PPARGC1A: variants seen among roughly 807,000 people sequenced by gnomAD.
The protein encoded by PPARGC1A is PPARG coactivator 1 alpha.
PPARGC1A carries 25 observed loss-of-function variants against 88.7 expected under a neutral mutation model. The observed-to-expected ratio is 0.28, with a 90% CI of 0.21 to 0.39. PPARGC1A has a LOEUF of 0.39. Ranked by LOEUF, PPARGC1A falls within the 10% of genes least tolerant of loss-of-function variation. PPARGC1A has a pLI of 1.00. For missense variants in PPARGC1A, 880 were observed against 968.7 expected (o/e 0.91, Z 1.22); for synonymous variants, 363 against 355.6 (o/e 1.02, Z -0.24).
At chr4:24,160,098 C>T in the PPARGC1A span, among the ~76,000 whole-genome samples, 8 of 152,184 alleles carry the variant, frequency 5.3e-5, no homozygotes, top group African/African-American at 1.7e-4. Flanking sequence ...AAACTCAAAT[C>T]CCAGCTCTCC....
the PPARGC1A span, among the ~76,000 whole-genome samples, chr4:24,368,083 A>G: frequency 1.3e-5 from 2 of 152,212 alleles, no homozygotes; most frequent in Admixed American, 1.3e-4. Context: ...ACAACTTGCC[A>G]AAATGACTGA....
At chr4:24,237,549 A>C in the PPARGC1A span, among the ~76,000 whole-genome samples, 1 of 152,164 alleles carries the variant, frequency 6.6e-6, no homozygotes, top group African/African-American at 2.4e-5. Context: ...TTACACACCA[A>C]ATGGAGTTCG....
the PPARGC1A span, among the ~76,000 whole-genome samples, chr4:24,026,989 A>G: frequency 6.6e-6 from 1 of 152,102 alleles, no homozygotes; most frequent in African/African-American, 2.4e-5. Flanking sequence ...CATAATGGCT[A>G]TTTTCTAACG....
the PPARGC1A span, among the ~76,000 whole-genome samples, chr4:24,196,093 G>T: frequency 6.6e-6 from 1 of 152,304 alleles, no homozygotes; most frequent in South Asian, 2.1e-4. Flanking sequence ...GGATTTACTT[G>T]CCATGAGTTG....
chr4:23,895,312 A>AT (rs887836506), intron 1 of PPARGC1A, among the ~76,000 whole-genome samples: 3 of 150,738 alleles, frequency 2.0e-5, no homozygotes, highest in East Asian at 1.9e-4. Flanking sequence ...AAATATATAT[A>AT]TTTTTTTCTT....
chr4:24,441,444 G>T, the PPARGC1A span, among the ~76,000 whole-genome samples: 2 of 152,204 alleles, frequency 1.3e-5, no homozygotes, highest in African/African-American at 2.4e-5. Context: ...CTAAGCTACT[G>T]CAGTCTGACT....
chr4:24,125,531 C>G, the PPARGC1A span, among the ~76,000 whole-genome samples: 1 of 152,150 alleles, frequency 6.6e-6, no homozygotes, highest in South Asian at 2.1e-4. Flanking sequence ...CAGTCTACTC[C>G]CATTGATGCT....
At chr4:23,916,576 A>T in the PPARGC1A span, among the ~76,000 whole-genome samples, 1 of 152,112 alleles carries the variant, frequency 6.6e-6, no homozygotes, top group South Asian at 2.1e-4. Flanking sequence ...TTTAAAAAAA[A>T]CATATCATGG....
At chr4:24,169,664 G>A in the PPARGC1A span, among the ~76,000 whole-genome samples, 1 of 152,118 alleles carries the variant, frequency 6.6e-6, no homozygotes, top group Non-Finnish European at 1.5e-5. Flanking sequence ...GAGATTAGGA[G>A]TTCGAGACCA....
chr4:24,221,849 G>T, the PPARGC1A span, among the ~76,000 whole-genome samples: 1 of 152,080 alleles, frequency 6.6e-6, no homozygotes, highest in East Asian at 1.9e-4. Context: ...AAAATGATTT[G>T]GTTTGTTCCA....
chr4:23,838,244 A>C (rs1301179751), intron 2 of PPARGC1A, among the ~76,000 whole-genome samples: 1 of 152,138 alleles, frequency 6.6e-6, no homozygotes, highest in Admixed American at 6.5e-5. Flanking sequence ...TCTGCAATCC[A>C]CTGTGGGTTT....
the PPARGC1A span, among the ~76,000 whole-genome samples, chr4:24,311,388 A>T: frequency 6.9e-6 from 1 of 145,822 alleles, no homozygotes; most frequent in African/African-American, 2.5e-5. Flanking sequence ...GGCGTGAGCC[A>T]CCATGCCCGG....
At chr4:23,835,199 G>A (rs998693660) in intron 2 of PPARGC1A, among the ~76,000 whole-genome samples, 5 of 152,138 alleles carry the variant, frequency 3.3e-5, no homozygotes, top group Admixed American at 2.0e-4. Flanking sequence ...ATACAATGGC[G>A]CCTTAGCTCT....
intron 1 of PPARGC1A, among the ~76,000 whole-genome samples, chr4:23,886,167 C>T (rs947791692): frequency 3.3e-5 from 5 of 152,186 alleles, no homozygotes; most frequent in African/African-American, 4.8e-5. Context: ...TGACGCAGCA[C>T]CCTCATGGCC....
chr4:24,190,418 G>A, the PPARGC1A span, among the ~76,000 whole-genome samples: 3 of 152,148 alleles, frequency 2.0e-5, no homozygotes, highest in East Asian at 5.8e-4. Flanking sequence ...GGGAAGCTGA[G>A]GCAGGAGAAT....
At chr4:24,449,552 A>C in the PPARGC1A span, among the ~76,000 whole-genome samples, 1 of 152,244 alleles carries the variant, frequency 6.6e-6, no homozygotes, top group Non-Finnish European at 1.5e-5. Context: ...GTTCTAAAAC[A>C]ATGCCTGGCA....
chr4:24,135,255 G>A, the PPARGC1A span, among the ~76,000 whole-genome samples: 1 of 152,108 alleles, frequency 6.6e-6, no homozygotes, highest in Non-Finnish European at 1.5e-5. Context: ...GCCATCCTGA[G>A]TGGCTTCAGG....
chr4:24,424,484 C>T, the PPARGC1A span, among the ~76,000 whole-genome samples: 1 of 151,872 alleles, frequency 6.6e-6, no homozygotes, highest in Admixed American at 6.6e-5. Context: ...ACCGTGTTAG[C>T]CAGGATGGCC....
intron 4 of PPARGC1A, among the ~76,000 whole-genome samples, chr4:23,829,172 T>C (rs1162034686): frequency 6.6e-6 from 1 of 152,194 alleles, no homozygotes; most frequent in Non-Finnish European, 1.5e-5. Context: ...TACCAGCTTA[T>C]CAGCAAATTT....
Sources: gnomAD v4.1 joint callset for allele counts (sites outside exome capture counted in the v4.1 genomes callset) on GRCh38, gnomAD v4.1.1 for gene constraint, MANE v1.5 for transcripts, NCBI Gene and HGNC (gene_info 2026-07-23, HGNC 2026-07-21) for gene names.